The following MRPL42 variants were observed in gnomAD, a reference collection of about 807,000 sequenced individuals.
MRPL42 encodes the protein mitochondrial ribosomal protein L42.
In MRPL42, 17 loss-of-function variants were observed where a neutral mutation model predicts 17.9. The ratio of observed to expected loss-of-function variants is 0.95; its 90% CI spans 0.65 to 1.42. The LOEUF is 1.42. Ranked by LOEUF, MRPL42 falls within the 40% of genes most tolerant of loss-of-function variation. MRPL42 has a pLI of 0.00. For missense variants in MRPL42, 177 were observed against 175.2 expected, an observed-to-expected ratio of 1.01 and a Z score of -0.06; for synonymous variants, 59 against 54.4, an observed-to-expected ratio of 1.08 and a Z score of -0.37.
intron 5 of MRPL42, among the ~76,000 whole-genome samples, chr12:93,497,838 G>A (rs7300563): frequency 0.67 from 99,846 of 149,802 alleles, 33,326 homozygotes; most frequent in Middle Eastern, 0.72. Flanking sequence ...TCCTCAAACA[G>A]CTTCCTATCT....
chr12:93,485,289 A>T (rs1880689531), intron 4 of MRPL42, among the ~76,000 whole-genome samples: 1 of 150,372 alleles, frequency 6.7e-6, no homozygotes. Flanking sequence ...CAGCCTCCTG[A>T]GTAGCCGGGA....
chr12:93,485,640 C>A (rs1880706694), intron 4 of MRPL42, among the ~76,000 whole-genome samples: 2 of 152,026 alleles, frequency 1.3e-5, no homozygotes, highest in Admixed American at 6.6e-5. Context: ...TATTTTAAAG[C>A]AAGGCAGTGT....
rs1347601282 is a variant in MRPL42 at position 93,506,776 on chromosome 12, A to G, written c.*5555A>G. Reference sequence around the variant, plus strand: ...ATGCAAAGTACATTGGATTACTATTATGCCACTTACTTGAATAATTGTCTT... The same window carrying G: ...ATGCAAAGTACATTGGATTACTATTGTGCCACTTACTTGAATAATTGTCTT... On this transcript the variant is annotated 3_prime_UTR_variant, in exon 6 of 6. Transcript: ENST00000549982. 1 of 152,326 alleles carries G rather than the reference A, an allele frequency of 6.6e-6. No individual in the cohort carries two copies. The highest frequency in any genetic ancestry group is 1.9e-4 in the East Asian group (1 of 5,190). 9.4% of individuals were successfully genotyped at this position (152,326 alleles called of 1,614,324 possible).
intron 5 of MRPL42, among the ~76,000 whole-genome samples, chr12:93,490,647 A>G (rs1284395639): frequency 2.6e-5 from 4 of 152,112 alleles, no homozygotes; most frequent in African/African-American, 4.8e-5. Context: ...TTGTCTGTCT[A>G]TCTGTCCATC....
chr12:93,473,395 A>G (rs1244064679), intron 2 of MRPL42, among the ~76,000 whole-genome samples: 3 of 151,714 alleles, frequency 2.0e-5, no homozygotes, highest in Admixed American at 2.0e-4. Flanking sequence ...CCAAGTAAGC[A>G]AGACTACAGA....
rs375335057 is a variant in MRPL42 at position 93,480,598 on chromosome 12, A to G, written c.219+1126A>G. Among the ~76,000 whole-genome samples, 36 of 149,918 alleles carry G rather than the reference A, an allele frequency of 2.4e-4. No homozygotes were observed. In the East Asian group the frequency reaches 4.6e-3, roughly 19 times the overall value. ...ACTCTGTTGCCCAGGCTGGAGTGCA[A>G]TGGCGCGATCTCGGCTCACAGCAGC... On this transcript the variant is annotated intron_variant, in intron 4 of 5. Coordinates refer to ENST00000549982, the MANE Select transcript of MRPL42 (RefSeq NM_014050.4).
intron 4 of MRPL42, among the ~76,000 whole-genome samples, chr12:93,484,975 CACACATATATATATATATATAT>C (rs1349374309): frequency 4.3e-5 from 1 of 23,170 alleles, no homozygotes; most frequent in African/African-American, 1.2e-4. Flanking sequence ...CACACACACA[CACACATATATATATATATATAT>C]ATATATATAT....
intron 3 of MRPL42, among the ~76,000 whole-genome samples, chr12:93,478,346 C>A (rs765716213): frequency 3.9e-5 from 6 of 151,918 alleles, no homozygotes; most frequent in Non-Finnish European, 7.4e-5. Flanking sequence ...CTCCCAGGTT[C>A]AAGCTGTCCT....
At position 93,507,398 on chromosome 12, in the gene MRPL42, A is replaced by ACC. The variant is rs1345880378; in HGVS notation, c.*6179_*6180dup. 1 of 152,016 alleles carries ACC rather than the reference A, an allele frequency of 6.6e-6. No individual in the cohort carries two copies. Among genetic ancestry groups the ACC allele is most frequent in the Non-Finnish European group, 1.5e-5 (1 of 67,996 alleles). The allele number at this position is 152,016 out of a possible 1,614,324, so 9.4% of individuals were successfully genotyped here. ...GTTTCTTTTTCTTTTCCTTTTTCCA[A>ACC]CCCAGTATACCTTAGAAACTTTCAG... On this transcript the variant is annotated 3_prime_UTR_variant, in exon 6 of 6. Transcript: ENST00000549982.
chr12:93,476,311 C>T (rs571883920), intron 2 of MRPL42, among the ~76,000 whole-genome samples: 4 of 152,138 alleles, frequency 2.6e-5, no homozygotes, highest in South Asian at 2.1e-4. Context: ...CTCAGTCTCC[C>T]GAGTAGCTGA....
rs954122958 is a variant in MRPL42 at position 93,504,164 on chromosome 12, G to A, written c.*2943G>A. ...AACTGTATACTTTTTGGGTTTTGGA[G>A]ATGGAGGTTTGCTCTGCCCAAGCTG... On this transcript the variant is annotated 3_prime_UTR_variant, in exon 6 of 6. Transcript: ENST00000549982. 3 of 154,008 alleles carry A rather than the reference G, an allele frequency of 1.9e-5. No homozygotes were observed. Among genetic ancestry groups the A allele is most frequent in the Non-Finnish European group, 4.4e-5 (3 of 68,038 alleles). 9.5% of individuals were successfully genotyped at this position (154,008 alleles called of 1,614,324 possible).
At chr12:93,483,451 C>T (rs58630813) in intron 4 of MRPL42, among the ~76,000 whole-genome samples, 1,894 of 152,214 alleles carry the variant, frequency 0.012, 44 homozygotes, top group African/African-American at 0.043. Context: ...CAAACGTATA[C>T]AGCATATTAC....
intron 5 of MRPL42, among the ~76,000 whole-genome samples, chr12:93,496,313 G>A (rs1361541769): frequency 6.6e-6 from 1 of 151,720 alleles, no homozygotes; most frequent in Admixed American, 6.6e-5. Flanking sequence ...CCCACCTCGG[G>A]CTCCCAAAGT....
Position 93,502,475 on chromosome 12 carries a change from A to G in MRPL42, c.*1254A>G, listed in dbSNP as rs1953609951. ...TCAAAGTCTATTGTTTGATCTAGTT[A>G]TTTTAATAAAGGAACTCTAGAAGTT... On this transcript the variant is annotated 3_prime_UTR_variant, in exon 6 of 6. Transcript: ENST00000549982. 1 of 152,210 alleles carries G rather than the reference A, an allele frequency of 6.6e-6. No homozygotes were observed. Among genetic ancestry groups the G allele is most frequent in the Admixed American group, 6.5e-5 (1 of 15,270 alleles). 9.4% of individuals were successfully genotyped at this position (152,210 alleles called of 1,614,324 possible).
At chr12:93,483,136 C>G (rs2121210913) in intron 4 of MRPL42, among the ~76,000 whole-genome samples, 1 of 152,304 alleles carries the variant, frequency 6.6e-6, no homozygotes, top group African/African-American at 2.4e-5. Flanking sequence ...CTCAAGTGAT[C>G]TGCCTGCCTT....
At position 93,502,523 on chromosome 12, in the gene MRPL42, G is replaced by A. The variant is rs1175910295; in HGVS notation, c.*1302G>A. The A allele has an allele frequency of 2.0e-5, 3 of 152,022 alleles. No individual in the cohort carries two copies. Among genetic ancestry groups the A allele is most frequent in the African/African-American group, 7.3e-5 (3 of 41,374 alleles). 9.4% of individuals were successfully genotyped at this position (152,022 alleles called of 1,614,324 possible). A position where few individuals can be genotyped will look rare whatever the true frequency, so the allele number is the denominator to read the frequency against. On this transcript the variant is annotated 3_prime_UTR_variant, in exon 6 of 6. Coordinates refer to ENST00000549982, the MANE Select transcript of MRPL42 (RefSeq NM_014050.4). ...GTTTCAAGTGGCCAGTGAAGTGTGA[G>A]GAATAGAGAGTAAAGGAAATAATTA...
At chr12:93,499,853 C>T (rs1953558534) in intron 5 of MRPL42, among the ~76,000 whole-genome samples, 1 of 152,106 alleles carries the variant, frequency 6.6e-6, no homozygotes, top group Non-Finnish European at 1.5e-5. Flanking sequence ...ATCACAACAA[C>T]TAAAGATCAC....
chr12:93,476,151 C>A (rs778413977), intron 2 of MRPL42, among the ~76,000 whole-genome samples: 1 of 152,116 alleles, frequency 6.6e-6, no homozygotes, highest in African/African-American at 2.4e-5. Flanking sequence ...ACCACCCCCC[C>A]TTTATAAACT....
intron 4 of MRPL42, among the ~76,000 whole-genome samples, chr12:93,485,223 C>T (rs888876267): frequency 2.8e-5 from 4 of 142,808 alleles, no homozygotes; most frequent in African/African-American, 1.0e-4. Flanking sequence ...AATGCAGTGG[C>T]GTGATCTTGG....
Sources: allele counts gnomAD v4.1 joint callset (sites outside exome capture counted in the v4.1 genomes callset), GRCh38; gene constraint gnomAD v4.1.1; transcripts MANE v1.5; gene names NCBI Gene and HGNC (gene_info 2026-07-23, HGNC 2026-07-21).